The following LRRC71 variants were observed in gnomAD, a reference collection of about 807,000 sequenced individuals.
LRRC71 encodes the protein leucine-rich repeat-containing protein 71.
A neutral mutation model predicts 66.6 loss-of-function variants in LRRC71; 54 were observed. The observed-to-expected ratio is 0.81, with a 90% CI of 0.65 to 1.02. The LOEUF (loss-of-function observed/expected upper bound fraction) is 1.02, where lower values mean the gene tolerates loss of function less well. LRRC71 is among the 50% of genes least tolerant of loss of function. The pLI is 0.00. For synonymous variants in LRRC71, 323 were observed against 303.9 expected (o/e 1.06, Z -0.65); for missense variants, 724 against 718.0 (o/e 1.01, Z -0.10).
At chr1:156,924,283 G>C in intron 2 of LRRC71, 141 bp from the exon 3 acceptor site, 7 of 1,324,980 alleles carry the variant, frequency 5.3e-6, no homozygotes, top group Non-Finnish European at 7.1e-6. Flanking sequence ...GCAGAGGCGC[G>C]AGTGGCCGGA....
chr1:156,928,420 C>T (rs1433949736), intron 9 of LRRC71, among the ~76,000 whole-genome samples: 544 of 37,312 alleles, frequency 0.015, 1 homozygote, highest in East Asian at 0.13. Context: ...CTTATTCCTC[C>T]TCCTCCTCTT....
At chr1:156,927,846 C>A (rs768863998) in intron 8 of LRRC71, 30 bp downstream of exon 8, 1 of 1,612,164 alleles carries the variant, frequency 6.2e-7, no homozygotes, top group South Asian at 1.1e-5. Context: ...GGGGCAGGGG[C>A]GTGGGCGGGC....
chr1:156,927,624 T>G lies in LRRC71; in HGVS notation c.791T>G (p.Ile264Ser). 6.2e-7 allele frequency: 1 copy of G among 1,603,812 alleles called. No individual in the cohort carries two copies. The highest frequency in any genetic ancestry group is 8.5e-7 in the Non-Finnish European group (1 of 1,175,066). ...LVSLNLGFNH[I>S]GDEGAGYIAD... ...TCGCTCAACCTGGGTTTCAACCACA[T>G]CGGTGACGAGGGCGCAGGCTACATC... Residue 264 changes from isoleucine (I) to serine (S), a missense_variant, in exon 7 of 15, where the codon ATC (isoleucine) becomes AGC (serine). Physicochemically the swap from Ile to Ser is moderately radical, Grantham distance 142 (BLOSUM62 -2). Coordinates refer to ENST00000337428, the MANE Select transcript of LRRC71 (RefSeq NM_144702.3).
chr1:156,921,600 A>G, intron 1 of LRRC71: 1 of 984,416 alleles, frequency 1.0e-6, no homozygotes, highest in Non-Finnish European at 1.2e-6. Context: ...TCTCTTTGTC[A>G]GTGCTGGTGG....
chr1:156,936,143 A>G (rs752299183), downstream of LRRC71: 18 of 1,359,402 alleles, frequency 1.3e-5, no homozygotes, highest in East Asian at 4.1e-4. Context: ...CAGGCTCACG[A>G]GAACAGATCC....
chr1:156,930,050 C>CTT (rs1654071885), intron 11 of LRRC71, among the ~76,000 whole-genome samples: 2 of 135,864 alleles, frequency 1.5e-5, no homozygotes, highest in East Asian at 2.5e-4. Context: ...CTTTCTCTTT[C>CTT]TTTCTTTCTT....
intron 1 of LRRC71, chr1:156,921,736 C>CAT (rs1187896327): frequency 1.2e-4 from 56 of 476,940 alleles, no homozygotes; most frequent in African/African-American, 1.1e-3. Flanking sequence ...CACACACACA[C>CAT]ACACACACAC....
the LRRC71 span, chr1:156,940,113 C>A: frequency 6.9e-7 from 1 of 1,445,496 alleles, no homozygotes; most frequent in Non-Finnish European, 9.3e-7. Flanking sequence ...CCAGGAAGAG[C>A]CTTCGGGAAG....
chr1:156,928,161 A>C (rs370986784), intron 9 of LRRC71, among the ~76,000 whole-genome samples, 157 bp downstream of exon 9: 12 of 152,120 alleles, frequency 7.9e-5, no homozygotes, highest in African/African-American at 2.9e-4. Context: ...GACTTTTGCC[A>C]AGCCCCTGCT....
At chr1:156,936,496 AAATATAT>A (rs1412450049), downstream of LRRC71, among the ~76,000 whole-genome samples, 8 of 77,720 alleles carry the variant, frequency 1.0e-4, no homozygotes, top group East Asian at 5.9e-4. Context: ...AAAAAAAAAA[AAATATAT>A]ATATATATAT....
chr1:156,928,479 T>TTCCTCCTCCTCCTCTTCTTCC (rs1557789555), intron 9 of LRRC71, among the ~76,000 whole-genome samples: 9 of 126,588 alleles, frequency 7.1e-5, no homozygotes, highest in Non-Finnish European at 1.4e-4. Flanking sequence ...CTTCTTCCTC[T>TTCCTCCTCCTCCTCTTCTTCC]TCCTCCTCCT....
At chr1:156,930,219 A>G (rs1019109379) in intron 11 of LRRC71, among the ~76,000 whole-genome samples, 1 of 149,808 alleles carries the variant, frequency 6.7e-6, no homozygotes, top group East Asian at 2.0e-4. Context: ...CAGCTTACCC[A>G]GTAGCTGGGA....
Position 156,927,939 on chromosome 1 carries a change from C to CA in LRRC71, c.932dup (p.His311GlnfsTer36). 2 of 1,612,136 alleles carry CA rather than the reference C, an allele frequency of 1.2e-6. No individual in the cohort carries two copies. Among genetic ancestry groups the CA allele is most frequent in the Non-Finnish European group, 1.7e-6 (2 of 1,179,338 alleles). On this transcript the variant is annotated frameshift_variant, in exon 9 of 15. Coordinates refer to ENST00000337428, the MANE Select transcript of LRRC71 (RefSeq NM_144702.3). LOFTEE classifies it high-confidence loss of function. ...GGTCCTGCGCGCCTTCGAGCTGACACACACCGAAGTGGTGGAGCGCCGACG... is the reference window on the plus strand; with the variant it reads ...GGTCCTGCGCGCCTTCGAGCTGACACAACACCGAAGTGGTGGAGCGCCGACG...
At chr1:156,921,432 C>T (rs1224673814) in intron 1 of LRRC71, among the ~76,000 whole-genome samples, 1 of 152,124 alleles carries the variant, frequency 6.6e-6, no homozygotes, top group African/African-American at 2.4e-5. Context: ...AGTGATAGAA[C>T]CCCAATCAAA....
the LRRC71 span, chr1:156,938,845 T>C: frequency 3.1e-6 from 1 of 319,858 alleles, no homozygotes; most frequent in South Asian, 5.9e-5. Context: ...CCCCATCCCA[T>C]GTGTGCCCCA....
chr1:156,940,028 G>T, the LRRC71 span: 1 of 1,498,156 alleles, frequency 6.7e-7, no homozygotes, highest in Non-Finnish European at 8.9e-7. Flanking sequence ...GAAGCTGGAG[G>T]GCTCTGGCCA....
At chr1:156,936,824 G>A (rs983149415), downstream of LRRC71, 23 of 1,613,702 alleles carry the variant, frequency 1.4e-5, no homozygotes, top group East Asian at 4.9e-4. Context: ...ACCATCCTCA[G>A]GGCAGGGCCC....
At position 156,927,967 on chromosome 1, in the gene LRRC71, T is replaced by G. The variant is rs955179667; in HGVS notation, c.959T>G (p.Leu320Arg). The G allele has an allele frequency of 1.1e-4, 175 of 1,610,494 alleles. No homozygotes were observed. Among genetic ancestry groups the G allele is most frequent in the Non-Finnish European group, 1.5e-4 (171 of 1,178,970 alleles). The change falls in exon 9 of 15, where the codon CTC becomes CGC. Residue 320 changes from leucine to arginine, a missense_variant. Transcript: ENST00000337428. ...ACCGAAGTGGTGGAGCGCCGACGCC[T>G]CCTGCTGGAAAAAGGGACACAGGAG... Reference protein sequence around the residue: ...THTEVVERRRLLLEKGTQERS... With the variant: ...THTEVVERRRRLLEKGTQERS...
At chr1:156,940,548 G>A in the LRRC71 span, 1 of 853,246 alleles carries the variant, frequency 1.2e-6, no homozygotes. Flanking sequence ...TGTTTACTGA[G>A]AACTTCCCAT....
Sources: gnomAD v4.1 joint callset for allele counts (sites outside exome capture counted in the v4.1 genomes callset) on GRCh38, gnomAD v4.1.1 for gene constraint, MANE v1.5 for transcripts, NCBI Gene and HGNC (gene_info 2026-07-23, HGNC 2026-07-21) for gene names.